Variants in ACACA observed in about 807,000 individuals in gnomAD.
The protein encoded by ACACA is acetyl-CoA carboxylase 1.
ACACA carries 103 observed loss-of-function variants against 296.1 expected under a neutral mutation model. That is an observed-to-expected ratio of 0.35 (90% CI 0.30 to 0.41). The LOEUF is 0.41. Ranked by LOEUF, ACACA falls within the 10% of genes least tolerant of loss-of-function variation. The pLI is 1.00. For synonymous variants in ACACA, 953 were observed against 1,038.6 expected (o/e 0.92, Z 1.58); for missense variants, 1,554 against 2,989.7 (o/e 0.52, Z 11.20).
intron 1 of ACACA, 65 bp downstream of exon 1, chr17:37,406,197 T>A: frequency 6.4e-7 from 1 of 1,571,264 alleles, no homozygotes; most frequent in South Asian, 1.1e-5. Context: ...ATGCAATAAG[T>A]ACTCGACAAA....
At chr17:37,307,241 T>C (rs1411515939) in intron 3 of ACACA, among the ~76,000 whole-genome samples, 1 of 152,224 alleles carries the variant, frequency 6.6e-6, no homozygotes, top group Non-Finnish European at 1.5e-5. Flanking sequence ...GAATATACAC[T>C]AAAATGAAAT....
At chr17:37,221,372 T>C (rs1259243195) in intron 29 of ACACA, 1 of 331,092 alleles carries the variant, frequency 3.0e-6, no homozygotes, top group Non-Finnish European at 5.8e-6. Context: ...ATTTTTTTGG[T>C]CTAATTGCTG....
At chr17:37,094,635 T>C (rs547963609) in intron 54 of ACACA, among the ~76,000 whole-genome samples, 19 of 143,926 alleles carry the variant, frequency 1.3e-4, no homozygotes, top group African/African-American at 4.8e-4. Context: ...GGCACACAGA[T>C]GGCTTTTGAA....
chr17:37,152,407 T>G (rs1168817903), intron 43 of ACACA, among the ~76,000 whole-genome samples: 2 of 152,232 alleles, frequency 1.3e-5, no homozygotes, highest in Admixed American at 6.5e-5. Flanking sequence ...GTAGTGAGAA[T>G]GCTCAGCTTA....
At chr17:37,094,308 A>G (rs1001884525) in intron 54 of ACACA, among the ~76,000 whole-genome samples, 16 of 152,192 alleles carry the variant, frequency 1.1e-4, no homozygotes, top group Non-Finnish European at 1.8e-4. Flanking sequence ...TATAGTGCTC[A>G]GTTATATAAT....
At chr17:37,210,388 G>T in intron 30 of ACACA, 79 bp downstream of exon 30, 2 of 1,310,460 alleles carry the variant, frequency 1.5e-6, no homozygotes, top group Non-Finnish European at 2.2e-6. Context: ...CAAGTGTTGT[G>T]GTTTTTTTTT....
chr17:37,099,979 A>G (rs2073263523), intron 52 of ACACA, among the ~76,000 whole-genome samples: 1 of 152,202 alleles, frequency 6.6e-6, no homozygotes, highest in Admixed American at 6.5e-5. Flanking sequence ...GACAATGAAC[A>G]CTAAAATAAA....
chr17:37,355,632 G>T (rs1439107033), intron 1 of ACACA, among the ~76,000 whole-genome samples: 2 of 152,028 alleles, frequency 1.3e-5, no homozygotes, highest in African/African-American at 4.8e-5. Flanking sequence ...GAGGTGGGCA[G>T]ATTATCCGAG....
intron 1 of ACACA, among the ~76,000 whole-genome samples, chr17:37,390,637 A>AG (rs2050841223): frequency 7.1e-6 from 1 of 141,636 alleles, no homozygotes; most frequent in Non-Finnish European, 1.5e-5. Flanking sequence ...AAAAAGAGAG[A>AG]AAAAAAAAAA....
intron 39 of ACACA, among the ~76,000 whole-genome samples, chr17:37,183,700 T>C (rs1364007786): frequency 1.3e-5 from 2 of 150,922 alleles, no homozygotes; most frequent in Non-Finnish European, 3.0e-5. Context: ...AGGAGAATGG[T>C]GTGAACCCGG....
At position 37,087,580 on chromosome 17, in the gene ACACA, T is replaced by TATTA. The variant is rs932489046; in HGVS notation, c.7029-145_7029-142dup. 5.7e-6 allele frequency: 6 copies of TATTA among 1,053,688 alleles called. No homozygotes were observed. The African/African-American group carries it at 9.5e-5, about 17-fold the overall frequency. The allele number at this position is 1,053,688 out of a possible 1,614,324, so 65.3% of individuals were successfully genotyped here. A position where few individuals can be genotyped will look rare whatever the true frequency, so the allele number is the denominator to read the frequency against. On this transcript the variant is annotated intron_variant, in intron 55 of 55. Transcript: ENST00000616317. ...ACGCCTCACCTTATTTGTTTCCCTA[T>TATTA]ATTACAAATATCCAGCCAAGGTAGT... is the stretch of plus-strand genomic sequence containing the variant.
intron 1 of ACACA, among the ~76,000 whole-genome samples, chr17:37,403,930 A>G (rs829162): frequency 0.23 from 34,813 of 151,884 alleles, 4,423 homozygotes; most frequent in East Asian, 0.54. Context: ...GCGCCACCAC[A>G]CCCAGCTAAT....
chr17:37,376,211 G>A (rs770317044), intron 1 of ACACA: 71 of 1,415,252 alleles, frequency 5.0e-5, no homozygotes, highest in Admixed American at 6.7e-5. Context: ...AAAGAGTTTC[G>A]GGGTCTCTTC....
In ACACA at chr17:37,270,825, C is replaced by A. The variant is rs1225555414; in HGVS notation, c.1045G>T (p.Ala349Ser). The A allele has an allele frequency of 2.5e-6, 4 of 1,613,782 alleles. No individual in the cohort carries two copies. In the South Asian group the frequency reaches 4.4e-5, roughly 18 times the overall value. ...CCCTTCCCTCCTCCTCCCTCTGAGGCCTTGATCATTACTGGATATCCAACT... is the reference window on the plus strand; with the variant it reads ...CCCTTCCCTCCTCCTCCCTCTGAGGACTTGATCATTACTGGATATCCAACT... ...EEVGYPVMIK[A>S]SEGGGGKGIR... Residue 349 changes from alanine to serine, a missense_variant, in exon 10 of 56, where the codon GCC becomes TCC. Transcript: ENST00000616317.
intron 35 of ACACA, among the ~76,000 whole-genome samples, chr17:37,198,311 T>A (rs1018090572): frequency 2.6e-5 from 4 of 152,190 alleles, no homozygotes; most frequent in Non-Finnish European, 5.9e-5. Context: ...TTCCATCTAA[T>A]CCATTAGCAA....
intron 1 of ACACA, chr17:37,392,179 GTTTTGTAA>G (rs1278653060): frequency 2.4e-5 from 4 of 164,540 alleles, no homozygotes; most frequent in African/African-American, 7.2e-5. Flanking sequence ...CGTTTATAAG[GTTTTGTAA>G]TTTAGCTTCT....
At chr17:37,382,215 AGGTT>A (rs1400494558) in intron 1 of ACACA, among the ~76,000 whole-genome samples, 10 of 152,036 alleles carry the variant, frequency 6.6e-5, no homozygotes, top group Non-Finnish European at 1.3e-4. Flanking sequence ...CCCTCACTAG[AGGTT>A]GGTTCCATTG....
intron 43 of ACACA, among the ~76,000 whole-genome samples, chr17:37,154,558 G>T (rs1026685570): frequency 2.0e-5 from 3 of 151,940 alleles, no homozygotes; most frequent in South Asian, 4.2e-4. Flanking sequence ...GTGCAGTGGT[G>T]TCATCTCGGC....
intron 6 of ACACA, among the ~76,000 whole-genome samples, chr17:37,277,690 T>G (rs187735075): frequency 6.6e-6 from 1 of 152,344 alleles, no homozygotes; most frequent in African/African-American, 2.4e-5. Flanking sequence ...CTTCCAAACC[T>G]TCTGTTTGTA....
Sources: gnomAD v4.1 joint callset for allele counts (sites outside exome capture counted in the v4.1 genomes callset) on GRCh38, gnomAD v4.1.1 for gene constraint, MANE v1.5 for transcripts, NCBI Gene and HGNC (gene_info 2026-07-23, HGNC 2026-07-21) for gene names.